Variants in SAR1B observed in about 807,000 individuals in gnomAD.
SAR1B encodes the protein small COPII coat GTPase SAR1B.
SAR1B carries 23 observed loss-of-function variants against 26.8 expected under a neutral mutation model. That is an observed-to-expected ratio of 0.86 (90% confidence interval 0.62 to 1.22). The LOEUF is 1.22. Among genes scored for constraint, SAR1B ranks in the 50% most tolerant of loss-of-function variants. The pLI is 0.00. For synonymous variants in SAR1B, 65 were observed against 80.8 expected (o/e 0.80, Z 1.05); for missense variants, 196 against 232.8 (o/e 0.84, Z 1.03).
chr5:134,617,296 G>C (rs192711862), intron 3 of SAR1B, among the ~76,000 whole-genome samples: 1 of 152,018 alleles, frequency 6.6e-6, no homozygotes, highest in Non-Finnish European at 1.5e-5. Context: ...TTTTGTACAA[G>C]GTTTTTGGTA....
intron 1 of SAR1B, among the ~76,000 whole-genome samples, chr5:134,629,265 A>AT (rs1044292566): frequency 6.6e-6 from 1 of 151,942 alleles, no homozygotes; most frequent in African/African-American, 2.4e-5. Context: ...CTACAAAAAA[A>AT]ATACAAAAAT....
At chr5:134,622,925 CAG>C (rs1449397756) in intron 2 of SAR1B, among the ~76,000 whole-genome samples, 15 of 149,840 alleles carry the variant, frequency 1.0e-4, no homozygotes, top group African/African-American at 3.7e-4. Context: ...AGTTCGAGAC[CAG>C]ATTGGCCAAC....
At chr5:134,630,976 C>T (rs1036048357) in intron 1 of SAR1B, among the ~76,000 whole-genome samples, 11 of 131,588 alleles carry the variant, frequency 8.4e-5, no homozygotes, top group African/African-American at 2.8e-4. Flanking sequence ...TCACAGGTCA[C>T]TGTAGTCTTG....
chr5:134,618,738 C>A (rs1334921713), intron 3 of SAR1B, among the ~76,000 whole-genome samples: 2 of 152,226 alleles, frequency 1.3e-5, no homozygotes, highest in African/African-American at 2.4e-5. Context: ...TGGCTCACGC[C>A]TGTAATCCCA....
chr5:134,618,552 CTG>C (rs1256319592), intron 3 of SAR1B, among the ~76,000 whole-genome samples: 1 of 152,270 alleles, frequency 6.6e-6, no homozygotes, highest in South Asian at 2.1e-4. Flanking sequence ...TCTTTAAACT[CTG>C]TGTCTATCTG....
At chr5:134,622,480 G>A (rs1397849596) in intron 2 of SAR1B, among the ~76,000 whole-genome samples, 3 of 146,514 alleles carry the variant, frequency 2.0e-5, no homozygotes, top group East Asian at 2.0e-4. Flanking sequence ...GCATGATCTC[G>A]GCTCACTACA....
At chr5:134,617,180 C>A (rs972869584) in intron 3 of SAR1B, among the ~76,000 whole-genome samples, 6 of 151,718 alleles carry the variant, frequency 4.0e-5, no homozygotes. Flanking sequence ...TGCAGTGAGC[C>A]GCGATTGTGC....
At chr5:134,621,507 T>C (rs570104847) in intron 2 of SAR1B, among the ~76,000 whole-genome samples, 25 of 151,812 alleles carry the variant, frequency 1.6e-4, no homozygotes, top group Middle Eastern at 3.4e-3. Flanking sequence ...AATAAATAAA[T>C]AAATAAATCT....
In SAR1B at chr5:134,604,090, C is replaced by A. The variant is rs1263204123; in HGVS notation, c.*2860G>T. ...TGCTATAATCTCCATTCTAAAAATTCACTGAGATAAACTGAAATCTATCAA... is the reference window on the plus strand; with the variant it reads ...TGCTATAATCTCCATTCTAAAAATTAACTGAGATAAACTGAAATCTATCAA... On this transcript the variant is annotated 3_prime_UTR_variant, in exon 7 of 7. Transcript: ENST00000402673. The A allele has an allele frequency of 1.3e-5, 2 of 152,158 alleles. No homozygotes were observed. The highest frequency in any genetic ancestry group is 2.4e-5 in the African/African-American group (1 of 41,422). 9.4% of individuals were successfully genotyped at this position (152,158 alleles called of 1,614,324 possible).
At chr5:134,622,901 C>T (rs956682469) in intron 2 of SAR1B, among the ~76,000 whole-genome samples, 2 of 150,412 alleles carry the variant, frequency 1.3e-5, no homozygotes, top group Non-Finnish European at 3.0e-5. Context: ...GCAGGTGGAA[C>T]ATTTGAGGTC....
chr5:134,609,694 G>C lies in SAR1B; in HGVS notation c.245-20C>G, dbSNP rs1043685169. On this transcript the variant is annotated intron_variant, in intron 4 of 6. Coordinates refer to ENST00000402673, the MANE Select transcript of SAR1B (RefSeq NM_016103.4). ...TTCGAGCTAACAAAAACAATCAGGGGTTAGAGTTTACTTGTTGGTCAAACC... is the reference window on the plus strand; with the variant it reads ...TTCGAGCTAACAAAAACAATCAGGGCTTAGAGTTTACTTGTTGGTCAAACC... 2 of 1,600,212 alleles carry C rather than the reference G, an allele frequency of 1.2e-6. No individual in the cohort carries two copies. The highest frequency in any genetic ancestry group is 2.7e-5 in the African/African-American group (2 of 74,650).
chr5:134,623,730 C>T (rs1236508166), intron 2 of SAR1B, among the ~76,000 whole-genome samples: 1 of 151,906 alleles, frequency 6.6e-6, no homozygotes, highest in Non-Finnish European at 1.5e-5. Flanking sequence ...ATTATTACTG[C>T]CATTTTACAG....
intron 3 of SAR1B, among the ~76,000 whole-genome samples, chr5:134,616,582 C>A (rs1182845621): frequency 6.6e-6 from 1 of 152,150 alleles, no homozygotes; most frequent in African/African-American, 2.4e-5. Context: ...TAATAATCCC[C>A]AATATACTTT....
At chr5:134,609,469 G>C (rs1765179063) in intron 5 of SAR1B, 102 bp downstream of exon 5, 4 of 905,064 alleles carry the variant, frequency 4.4e-6, no homozygotes, top group Non-Finnish European at 7.2e-6. Context: ...AGTTTCATCA[G>C]AGACTGCAGA....
At position 134,612,684 on chromosome 5, in the gene SAR1B, A is replaced by AAAAAAAAAAAAAAAAAAT; in HGVS notation, c.244+6_244+7insATTTTTTTTTTTTTTTTT. 1 of 1,017,752 alleles carries AAAAAAAAAAAAAAAAAAT rather than the reference A, an allele frequency of 9.8e-7. No individual in the cohort carries two copies. The highest frequency in any genetic ancestry group is 1.4e-6 in the Non-Finnish European group (1 of 711,308). The allele number at this position is 1,017,752 out of a possible 1,614,324, so 63.0% of individuals were successfully genotyped here. On this transcript the variant is annotated splice_region_variant and intron_variant, in intron 4 of 6. Coordinates refer to ENST00000402673, the MANE Select transcript of SAR1B (RefSeq NM_016103.4). ...AAAAAAAAAAAAAAAAAAAAAAAGAATCTTACCTTGAACATGTCCACCCAG... is the reference window on the plus strand; with the variant it reads ...AAAAAAAAAAAAAAAAAAAAAAAGAAAAAAAAAAAAAAAAAAATTCTTACCTTGAACATGTCCACCCAG...
At chr5:134,622,705 C>G (rs1024936217) in intron 2 of SAR1B, among the ~76,000 whole-genome samples, 2 of 151,374 alleles carry the variant, frequency 1.3e-5, no homozygotes, top group Non-Finnish European at 2.9e-5. Flanking sequence ...CCACCGCGCC[C>G]GGCCTTAACT....
intron 3 of SAR1B, 120 bp downstream of exon 3, chr5:134,620,813 C>T: frequency 2.6e-6 from 3 of 1,144,962 alleles, no homozygotes; most frequent in Non-Finnish European, 2.6e-6. Flanking sequence ...GTGATCATAC[C>T]ACTGCATTGC....
At chr5:134,614,552 C>G (rs1161046535) in intron 3 of SAR1B, 1 of 152,228 alleles carries the variant, frequency 6.6e-6, no homozygotes, top group Non-Finnish European at 1.5e-5. Context: ...AATTATTTGG[C>G]TAACAGCATT....
chr5:134,607,387 T>A (rs562376130), intron 6 of SAR1B, among the ~76,000 whole-genome samples: 3 of 152,348 alleles, frequency 2.0e-5, no homozygotes, highest in Non-Finnish European at 2.9e-5. Flanking sequence ...AGAAGGTTTA[T>A]GACCAAACAA....
Sources: gnomAD v4.1 joint callset for allele counts (sites outside exome capture counted in the v4.1 genomes callset) on GRCh38, gnomAD v4.1.1 for gene constraint, MANE v1.5 for transcripts, NCBI Gene and HGNC (gene_info 2026-07-23, HGNC 2026-07-21) for gene names.